Variants in MCUB observed in about 807,000 individuals in gnomAD.
MCUB encodes the protein mitochondrial calcium uniporter dominant negative subunit beta, also known as calcium uniporter regulatory subunit MCUb, mitochondrial.
In MCUB, 46 loss-of-function variants were observed where a neutral mutation model predicts 41.4. That is an observed-to-expected ratio of 1.11 (90% confidence interval 0.88 to 1.42). The LOEUF (loss-of-function observed/expected upper bound fraction) is 1.42. Among genes scored for constraint, MCUB ranks in the 40% most tolerant of loss-of-function variants. The pLI, the probability that MCUB is intolerant of heterozygous loss-of-function variation, is 0.00. For missense variants in MCUB, 403 were observed against 404.9 expected (o/e 1.00, Z 0.04); for synonymous variants, 148 against 148.2 (o/e 1.00, Z 0.01).
At chr4:109,565,835 TTTC>T (rs1726761218) in intron 1 of MCUB, among the ~76,000 whole-genome samples, 1 of 139,452 alleles carries the variant, frequency 7.2e-6, no homozygotes, top group South Asian at 2.2e-4. Context: ...TAAATTTTCA[TTTC>T]TTTTTTTTTT....
chr4:109,678,984 G>A (rs1307997293), intron 4 of MCUB, among the ~76,000 whole-genome samples: 1 of 149,516 alleles, frequency 6.7e-6, no homozygotes, highest in African/African-American at 2.5e-5. Flanking sequence ...GGGGCAGCCA[G>A]GCAGAGACAG....
intron 1 of MCUB, among the ~76,000 whole-genome samples, chr4:109,640,151 A>G (rs7669692): frequency 0.19 from 28,196 of 152,204 alleles, 4,311 homozygotes; most frequent in African/African-American, 0.42. Context: ...AGAATATTAC[A>G]AAGTACCTTC....
intron 6 of MCUB, chr4:109,684,853 G>A (rs1729801084): frequency 4.2e-6 from 2 of 479,790 alleles, no homozygotes; most frequent in African/African-American, 2.0e-5. Context: ...GAAGTAATTA[G>A]TGTAACACAC....
chr4:109,627,550 T>C (rs999408234), intron 1 of MCUB, among the ~76,000 whole-genome samples: 13 of 152,216 alleles, frequency 8.5e-5, no homozygotes, highest in African/African-American at 2.9e-4. Flanking sequence ...GATATTTTCA[T>C]GAGTGCTTGC....
At chr4:109,593,235 G>A (rs1331884280) in intron 1 of MCUB, among the ~76,000 whole-genome samples, 12 of 152,252 alleles carry the variant, frequency 7.9e-5, no homozygotes, top group African/African-American at 1.9e-4. Flanking sequence ...ACCTTTTTAC[G>A]TAATTTAAAA....
chr4:109,651,094 T>C (rs1330282248), intron 1 of MCUB, among the ~76,000 whole-genome samples: 2 of 152,224 alleles, frequency 1.3e-5, no homozygotes, highest in Non-Finnish European at 2.9e-5. Flanking sequence ...TTAATGCTTT[T>C]GTGTGAAGGC....
At chr4:109,603,926 C>T (rs1214247909) in intron 1 of MCUB, among the ~76,000 whole-genome samples, 7 of 152,204 alleles carry the variant, frequency 4.6e-5, no homozygotes, top group South Asian at 2.1e-4. Flanking sequence ...ATGACGATGG[C>T]GGTTTTGTTG....
intron 1 of MCUB, among the ~76,000 whole-genome samples, chr4:109,592,485 C>T (rs1727461818): frequency 6.6e-6 from 1 of 151,870 alleles, no homozygotes; most frequent in Admixed American, 6.6e-5. Flanking sequence ...GTAACACAAA[C>T]ATGCCACAAG....
At chr4:109,610,049 C>T (rs753499940) in intron 1 of MCUB, among the ~76,000 whole-genome samples, 7 of 152,146 alleles carry the variant, frequency 4.6e-5, no homozygotes, top group Non-Finnish European at 8.8e-5. Context: ...TCCCTGTGGC[C>T]ACTGCCACCA....
Position 109,592,608 on chromosome 4 carries a change from T to C in MCUB, c.99+32172T>C, listed in dbSNP as rs922137545. 3.3e-5 allele frequency among the ~76,000 whole-genome samples: 5 copies of C among 152,186 alleles called. No individual in the cohort carries two copies. The South Asian group carries it at 1.0e-3, about 32-fold the overall frequency. ...GAACCTGTCAGCCATTATTTCACTA[T>C]ATTTAATCATTTACTCCAGCCTAGA... On this transcript the variant is annotated intron_variant, in intron 1 of 7. Transcript: ENST00000394650.
At chr4:109,646,577 TA>T (rs2126141563) in intron 1 of MCUB, among the ~76,000 whole-genome samples, 1 of 152,320 alleles carries the variant, frequency 6.6e-6, no homozygotes, top group Non-Finnish European at 1.5e-5. Flanking sequence ...TTCATCTACT[TA>T]AAACCTTTCA....
At chr4:109,620,408 T>C (rs1053121348) in intron 1 of MCUB, among the ~76,000 whole-genome samples, 1 of 151,156 alleles carries the variant, frequency 6.6e-6, no homozygotes, top group Non-Finnish European at 1.5e-5. Context: ...TTTATTCAAT[T>C]GTATCATAGA....
chr4:109,571,601 C>T (rs897591867), intron 1 of MCUB, among the ~76,000 whole-genome samples: 32 of 152,342 alleles, frequency 2.1e-4, no homozygotes, highest in African/African-American at 7.5e-4. Flanking sequence ...GCATGAGCCA[C>T]CGTGCCAGGC....
At chr4:109,667,175 C>G (rs1020093951) in intron 4 of MCUB, among the ~76,000 whole-genome samples, 1 of 151,946 alleles carries the variant, frequency 6.6e-6, no homozygotes, top group African/African-American at 2.4e-5. Flanking sequence ...TAGTTTCTTC[C>G]TTTGATGTTT....
chr4:109,677,087 T>C (rs1436325065), intron 4 of MCUB, among the ~76,000 whole-genome samples: 2 of 152,256 alleles, frequency 1.3e-5, no homozygotes, highest in African/African-American at 4.8e-5. Context: ...ACCTAACCCC[T>C]GCCTTAGTGT....
chr4:109,622,793 T>G (rs1728278369), intron 1 of MCUB, among the ~76,000 whole-genome samples: 1 of 152,298 alleles, frequency 6.6e-6, no homozygotes, highest in East Asian at 1.9e-4. Flanking sequence ...TGGTCGAAAC[T>G]GTACTTTGAA....
intron 1 of MCUB, among the ~76,000 whole-genome samples, chr4:109,571,380 T>G (rs1190975642): frequency 6.6e-6 from 1 of 152,182 alleles, no homozygotes; most frequent in Non-Finnish European, 1.5e-5. Flanking sequence ...TGGTGCGATC[T>G]TGGCTCACTG....
intron 1 of MCUB, among the ~76,000 whole-genome samples, chr4:109,606,395 TTTGTTTTGTGG>T (rs1305157062): frequency 2.6e-5 from 4 of 152,256 alleles, no homozygotes; most frequent in East Asian, 1.9e-4. Context: ...CATTTTGTTA[TTTGTTTTGTGG>T]TTGTTTTGTG....
Position 109,684,630 on chromosome 4 carries a change from T to G in MCUB, c.800T>G (p.Phe267Cys), listed in dbSNP as rs1211158711. ...AATTCTATGGTCTTTTTTGCATACT[T>G]TATAGTCACTCGACAGGTGAGTAGT... ...FANSMVFFAY[F>C]IVTRQDYTYS... Residue 267 changes from phenylalanine to cysteine, a missense_variant, in exon 6 of 8, where the codon TTT becomes TGT. Transcript: ENST00000394650. 2.0e-6 allele frequency: 3 copies of G among 1,498,694 alleles called. No individual in the cohort carries two copies. In the South Asian group the frequency reaches 3.4e-5, roughly 17 times the overall value. The allele number at this position is 1,498,694 out of a possible 1,614,324, so 92.8% of individuals were successfully genotyped here.
Sources: allele counts gnomAD v4.1 joint callset (sites outside exome capture counted in the v4.1 genomes callset), GRCh38; gene constraint gnomAD v4.1.1; transcripts MANE v1.5; gene names NCBI Gene and HGNC (gene_info 2026-07-23, HGNC 2026-07-21).